Variants in PLCE1 observed in about 807,000 individuals in gnomAD.
PLCE1 encodes 1-phosphatidylinositol 4,5-bisphosphate phosphodiesterase epsilon-1.
Under a neutral mutation model 242.8 loss-of-function variants are expected in PLCE1, and 119 were observed. The ratio of observed to expected loss-of-function variants is 0.49; its 90% confidence interval spans 0.42 to 0.57. The LOEUF (loss-of-function observed/expected upper bound fraction) is 0.57, where lower values mean the gene tolerates loss of function less well. Among genes scored for constraint, PLCE1 ranks in the 20% least tolerant of loss-of-function variants. PLCE1 has a pLI of 0.00. For synonymous variants in PLCE1, 945 were observed against 1,017.4 expected, an observed-to-expected ratio of 0.93 and a Z score of 1.35; for missense variants, 2,441 against 2,788.8, an observed-to-expected ratio of 0.88 and a Z score of 2.81.
At chr10:94,110,622 A>C (rs1050765607) in intron 2 of PLCE1, among the ~76,000 whole-genome samples, 1 of 152,226 alleles carries the variant, frequency 6.6e-6, no homozygotes, top group Non-Finnish European at 1.5e-5. Context: ...CAGATTATAA[A>C]TGTTGTGTAA....
chr10:94,164,095 C>T (rs2047711776), intron 3 of PLCE1, among the ~76,000 whole-genome samples: 1 of 152,118 alleles, frequency 6.6e-6, no homozygotes, highest in Non-Finnish European at 1.5e-5. Flanking sequence ...TTTTTTCCTT[C>T]ATTTCAACTT....
chr10:94,027,735 C>A (rs1032429060), intron 1 of PLCE1, among the ~76,000 whole-genome samples: 2 of 152,082 alleles, frequency 1.3e-5, no homozygotes, highest in African/African-American at 2.4e-5. Flanking sequence ...GCAGGAGAAT[C>A]GCTTGAATCC....
At chr10:94,322,152 A>G in intron 30 of PLCE1, 93 bp downstream of exon 30, 1 of 1,221,286 alleles carries the variant, frequency 8.2e-7, no homozygotes, top group Non-Finnish European at 1.2e-6. Flanking sequence ...TTATGAGTGA[A>G]GTTCCTCAAC....
At chr10:94,319,246 A>ATATC (rs2053689931) in intron 29 of PLCE1, among the ~76,000 whole-genome samples, 1 of 152,202 alleles carries the variant, frequency 6.6e-6, no homozygotes, top group Non-Finnish European at 1.5e-5. Context: ...TGACTGAAAT[A>ATATC]TATCTCAAAA....
At chr10:94,134,842 A>G (rs939499959) in intron 3 of PLCE1, among the ~76,000 whole-genome samples, 14 of 152,296 alleles carry the variant, frequency 9.2e-5, no homozygotes, top group African/African-American at 2.6e-4. Flanking sequence ...CTAATGTGTT[A>G]TCTTTAAATT....
rs1483143797 is a variant in PLCE1, at chr10:94,298,675, G to A, written c.5458+6G>A. 6.2e-7 allele frequency: 1 copy of A among 1,613,842 alleles called. No homozygotes were observed. Among genetic ancestry groups the A allele is most frequent in the Non-Finnish European group, 8.5e-7 (1 of 1,179,808 alleles). ...ACTCAACTACCAGACTGATGGTAAGGGGCCTGCATGCTCACCTCGCTCCTT... is the reference window on the plus strand; with the variant it reads ...ACTCAACTACCAGACTGATGGTAAGAGGCCTGCATGCTCACCTCGCTCCTT... On this transcript the variant is annotated splice_donor_region_variant and intron_variant, in intron 24 of 32. Transcript: ENST00000371380. This position sits in a 1 kb window ranked among gnomAD's most constrained non-coding sequence, Gnocchi z 5.2.
chr10:94,028,626 T>G (rs964670452), intron 1 of PLCE1, among the ~76,000 whole-genome samples: 1 of 152,074 alleles, frequency 6.6e-6, no homozygotes, highest in African/African-American at 2.4e-5. Flanking sequence ...CACTATCTTG[T>G]AGTATTGAGT....
chr10:94,222,598 T>TA (rs1263086843), intron 4 of PLCE1, among the ~76,000 whole-genome samples: 1 of 152,224 alleles, frequency 6.6e-6, no homozygotes, highest in Non-Finnish European at 1.5e-5. Context: ...ATGATGTTTT[T>TA]ATCAGACTCC....
chr10:94,262,162 G>A (rs2051325211), intron 13 of PLCE1, among the ~76,000 whole-genome samples: 1 of 151,732 alleles, frequency 6.6e-6, no homozygotes, highest in African/African-American at 2.4e-5. Context: ...CACCATGCCT[G>A]GCTAATTTTT....
At chr10:94,091,424 A>G (rs2045067307) in intron 2 of PLCE1, among the ~76,000 whole-genome samples, 1 of 152,328 alleles carries the variant, frequency 6.6e-6, no homozygotes, top group East Asian at 1.9e-4. Flanking sequence ...ACACCTGCAG[A>G]GTTGGTTACA....
chr10:94,088,325 C>A (rs2044920994), intron 2 of PLCE1: 1 of 152,228 alleles, frequency 6.6e-6, no homozygotes, highest in Admixed American at 6.5e-5. Context: ...ACCAAATATT[C>A]TGCCTCTGGC....
chr10:94,088,740 T>TAA lies in PLCE1; in HGVS notation c.1207-43433_1207-43432insAA, dbSNP rs1415599306. Among the ~76,000 whole-genome samples, 44 of 152,318 alleles carry TAA rather than the reference T, an allele frequency of 2.9e-4. No individual in the cohort carries two copies. In the East Asian group the frequency reaches 6.4e-3, roughly 22 times the overall value. ...CTTGATACTGGGTTCTTTGCACATG[T>TAA]ATACACTTTGGGTTCTATTTGCTAC... On this transcript the variant is annotated intron_variant, in intron 2 of 32. Coordinates refer to ENST00000371380, the MANE Select transcript of PLCE1 (RefSeq NM_016341.4).
At chr10:94,066,111 G>A (rs1222949194) in intron 2 of PLCE1, among the ~76,000 whole-genome samples, 1 of 152,158 alleles carries the variant, frequency 6.6e-6, no homozygotes, top group Non-Finnish European at 1.5e-5. Flanking sequence ...AAAGATCTAT[G>A]TGGAGACAGC....
At chr10:94,160,623 G>A (rs1238089543) in intron 3 of PLCE1, among the ~76,000 whole-genome samples, 3 of 152,116 alleles carry the variant, frequency 2.0e-5, no homozygotes, top group Non-Finnish European at 2.9e-5. Context: ...CTTTAGTTTA[G>A]TTAGATCCCA....
intron 1 of PLCE1, among the ~76,000 whole-genome samples, chr10:94,006,630 C>A (rs2061043220): frequency 6.6e-6 from 1 of 152,152 alleles, no homozygotes; most frequent in South Asian, 2.1e-4. Flanking sequence ...AATTTACTTT[C>A]TTTACTTTAG....
chr10:94,111,021 T>C (rs944535414), intron 2 of PLCE1, among the ~76,000 whole-genome samples: 6 of 152,206 alleles, frequency 3.9e-5, no homozygotes, highest in South Asian at 2.1e-4. Flanking sequence ...GTGGTCGTGA[T>C]AAAATAACGT....
At chr10:94,187,883 A>G (rs2048533335) in intron 4 of PLCE1, among the ~76,000 whole-genome samples, 1 of 152,182 alleles carries the variant, frequency 6.6e-6, no homozygotes, top group Non-Finnish European at 1.5e-5. Context: ...AACATGCCGG[A>G]CTGGCCCTAG....
At chr10:94,239,923 A>G (rs1447762268) in intron 7 of PLCE1, among the ~76,000 whole-genome samples, 4 of 152,134 alleles carry the variant, frequency 2.6e-5, no homozygotes, top group Non-Finnish European at 4.4e-5. Flanking sequence ...AATGCCCAAC[A>G]CACAACATCC....
At chr10:94,025,283 A>G (rs1434452691) in intron 1 of PLCE1, among the ~76,000 whole-genome samples, 3 of 152,128 alleles carry the variant, frequency 2.0e-5, no homozygotes, top group Non-Finnish European at 4.4e-5. Flanking sequence ...ATCTAGCTGT[A>G]AGGGAGGCTA....
Sources: gnomAD v4.1 joint callset for allele counts (sites outside exome capture counted in the v4.1 genomes callset) on GRCh38, gnomAD v4.1.1 for gene constraint, Gnocchi (gnomAD v3.1) non-coding constraint, MANE v1.5 for transcripts, NCBI Gene and HGNC (gene_info 2026-07-23, HGNC 2026-07-21) for gene names.